The following PDE4C variants were observed in gnomAD, a reference collection of about 807,000 sequenced individuals.
The protein encoded by PDE4C is 3',5'-cyclic-AMP phosphodiesterase 4C.
Under a neutral mutation model 63.9 loss-of-function variants are expected in PDE4C, and 50 were observed. That is an observed-to-expected ratio of 0.78 (90% CI 0.62 to 0.99). The LOEUF (loss-of-function observed/expected upper bound fraction) is 0.99. PDE4C is among the 50% of genes least tolerant of loss of function. The probability of loss-of-function intolerance (pLI) is 0.00; values close to 1 mark genes in which losing one functional copy is unlikely to be tolerated. For missense variants in PDE4C, 777 were observed against 899.1 expected (o/e 0.86, Z 1.74); for synonymous variants, 377 against 385.1 (o/e 0.98, Z 0.25).
At chr19:18,255,342 C>G in the PDE4C span, 11 of 382,694 alleles carry the variant, frequency 2.9e-5, no homozygotes, top group Non-Finnish European at 4.9e-5. This position sits in a 1 kb window ranked among gnomAD's most constrained non-coding sequence, Gnocchi z 4.6. Flanking sequence ...CGGCTCTGCA[C>G]AGGTGTGTGG....
intron 4 of PDE4C, 47 bp downstream of exon 4, chr19:18,221,058 C>CCCGCCCACT: frequency 8.2e-7 from 1 of 1,221,606 alleles, no homozygotes; most frequent in Non-Finnish European, 1.2e-6. Context: ...TTCCGCCCAC[C>CCCGCCCACT]TTGTCTCTGC....
exon 1 of PDE4C, chr19:18,232,997 C>T (rs758800155): frequency 7.9e-6 from 12 of 1,510,268 alleles, no homozygotes; most frequent in African/African-American, 4.2e-5. Flanking sequence ...TCCTGAGCTC[C>T]GGCCGCGGGC....
At position 18,221,101 on chromosome 19, in the gene PDE4C, C is replaced by G. The variant is rs750738070; in HGVS notation, c.449+4G>C. 2.5e-6 allele frequency: 4 copies of G among 1,579,094 alleles called. No individual in the cohort carries two copies. Among genetic ancestry groups the G allele is most frequent in the Non-Finnish European group, 3.4e-6 (4 of 1,164,100 alleles). Reference sequence around the variant, plus strand: ...GCCCCCGCCCCGCCCCGCCCTCTACCTACTTGGCTGCTCCTAGGCATTGCT... The same window carrying G: ...GCCCCCGCCCCGCCCCGCCCTCTACGTACTTGGCTGCTCCTAGGCATTGCT... On this transcript the variant is annotated splice_donor_region_variant and intron_variant, in intron 4 of 14. Coordinates refer to ENST00000262805, the Ensembl canonical transcript of PDE4C.
chr19:18,248,837 ACATGGTGAAGCCC>A (rs546779846), upstream of PDE4C, among the ~76,000 whole-genome samples: 213 of 148,118 alleles, frequency 1.4e-3, no homozygotes, highest in African/African-American at 5.1e-3. Flanking sequence ...ATCCTGGCCA[ACATGGTGAAGCCC>A]CATCTCTACT....
chr19:18,227,123 C>T (rs1007801158), upstream of PDE4C, among the ~76,000 whole-genome samples: 5 of 152,122 alleles, frequency 3.3e-5, no homozygotes, highest in Non-Finnish European at 7.4e-5. Flanking sequence ...ATGTCCGATC[C>T]CACGCAATGT....
rs1482040479 is a variant in PDE4C at position 18,213,304 on chromosome 19, A to C, written c.1512+64T>G. The C allele has an allele frequency of 3.7e-6, 5 of 1,365,750 alleles. No homozygotes were observed. The East Asian group carries it at 8.2e-5, about 22-fold the overall frequency. 84.6% of individuals were successfully genotyped at this position (1,365,750 alleles called of 1,614,324 possible). A position where few individuals can be genotyped will look rare whatever the true frequency, so the allele number is the denominator to read the frequency against. On this transcript the variant is annotated intron_variant, in intron 13 of 14. Coordinates refer to ENST00000262805, the Ensembl canonical transcript of PDE4C. ...GTCTCAATAAATAAATAAATACATA[A>C]ATAAATAAATAAAGTAAAACCAAAA...
chr19:18,244,300 T>C (rs1306729709), intron 1 of PDE4C, among the ~76,000 whole-genome samples: 1 of 149,758 alleles, frequency 6.7e-6, no homozygotes, highest in Non-Finnish European at 1.5e-5. Flanking sequence ...TGTTTTGTTT[T>C]GTTTTTTTTT....
chr19:18,220,972 C>T lies in PDE4C; in HGVS notation c.450-49G>A. 6.4e-7 allele frequency: 1 copy of T among 1,570,872 alleles called. No individual in the cohort carries two copies. The highest frequency in any genetic ancestry group is 8.6e-7 in the Non-Finnish European group (1 of 1,158,820). On this transcript the variant is annotated intron_variant, in intron 4 of 14. Coordinates refer to ENST00000262805, the Ensembl canonical transcript of PDE4C. This position sits in a 1 kb window ranked among gnomAD's most constrained non-coding sequence, Gnocchi z 5.1. ...TGGCTGCTCCGCCCATCTCGCCCCG[C>T]CCCCAAGTCCACCAGGCCCCGCCCC...
chr19:18,237,341 C>T (rs946153392), upstream of PDE4C, among the ~76,000 whole-genome samples: 20 of 150,278 alleles, frequency 1.3e-4, no homozygotes, highest in African/African-American at 4.2e-4. Flanking sequence ...CACCTGAGGT[C>T]GGGAGTTTGA....
intron 8 of PDE4C, 93 bp downstream of exon 8, chr19:18,219,141 C>T: frequency 6.3e-7 from 1 of 1,590,112 alleles, no homozygotes; most frequent in South Asian, 1.1e-5. Context: ...CCCCAACTGC[C>T]CAGTATATAG....
chr19:18,212,402 T>A (rs1181447216), intron 13 of PDE4C, among the ~76,000 whole-genome samples: 1 of 151,572 alleles, frequency 6.6e-6, no homozygotes, highest in Non-Finnish European at 1.5e-5. Context: ...CTCAAACTCC[T>A]GAGCTCAAGC....
At chr19:18,210,818 G>A in exon 15 of PDE4C, 2 of 1,491,264 alleles carry the variant, frequency 1.3e-6, no homozygotes, top group Non-Finnish European at 1.8e-6. Flanking sequence ...CTCCCTAAAT[G>A]GGTGGGAAAG....
chr19:18,242,500 A>AAAAAC (rs71164383), intron 1 of PDE4C, among the ~76,000 whole-genome samples: 1 of 148,390 alleles, frequency 6.7e-6, no homozygotes, highest in African/African-American at 2.5e-5. Flanking sequence ...AAAAAAAAAA[A>AAAAAC]GCCAGGCACA....
upstream of PDE4C, among the ~76,000 whole-genome samples, chr19:18,236,484 A>C (rs1050761202): frequency 6.6e-6 from 1 of 152,156 alleles, no homozygotes; most frequent in Non-Finnish European, 1.5e-5. Flanking sequence ...CAGCCTCCCA[A>C]AGTGCTGGGA....
At position 18,242,425 on chromosome 19, in the gene PDE4C, G is replaced by A. The variant is rs866154660; in HGVS notation, c.-210+5746C>T. Among the ~76,000 whole-genome samples the A allele has an allele frequency of 7.1e-5, 10 of 140,580 alleles. No individual in the cohort carries two copies. In the South Asian group the frequency reaches 2.3e-3, roughly 32 times the overall value. 92.2% of individuals were successfully genotyped at this position (140,580 alleles called of 152,430 possible). On this transcript the variant is annotated intron_variant, in intron 1 of 15. Transcript: ENST00000594617. ...CGAGAGGCGGAGGCTGCAGTAAGCC[G>A]AGGTTGCACTGTTGCACTCTGGCCT...
rs147234546 is a variant in PDE4C, at chr19:18,219,278, G to C, written c.826C>G (p.Pro276Ala). ...TGGTCAGTCTGGACCCCAAAGCGTG[G>C]GACAGTGGCTGAGGAGAGGCTGGCA... Residue 276 changes from proline to alanine, a missense_variant, in exon 8 of 15, where the codon CCA becomes GCA. By Grantham distance (27) the Pro-to-Ala change is conservative. Coordinates refer to ENST00000262805, the Ensembl canonical transcript of PDE4C. 3,743 of 1,614,192 alleles carry C rather than the reference G, an allele frequency of 2.3e-3. 7 individuals are homozygous for C. The highest frequency in any genetic ancestry group is 4.0e-3 in the Middle Eastern group (24 of 6,050).
In PDE4C at chr19:18,242,475, C is replaced by CAAAAAAAA. The variant is rs748870873; in HGVS notation, c.-210+5688_-210+5695dup. Among the ~76,000 whole-genome samples the CAAAAAAAA allele has an allele frequency of 1.3e-4, 4 of 29,810 alleles. 1 individual carries two copies. The highest frequency in any genetic ancestry group is 2.4e-3 in the South Asian group (1 of 418). 19.6% of individuals were successfully genotyped at this position (29,810 alleles called of 152,430 possible). On this transcript the variant is annotated intron_variant, in intron 1 of 15. Coordinates refer to the PDE4C transcript ENST00000594617. ...TGGGCAACAAAGGGAGACTCCATCT[C>CAAAAAAAA]AAAAAAAAAAAAAAAAAAAAAAAAA...
chr19:18,224,925 G>T (rs1369501354), intron 1 of PDE4C, among the ~76,000 whole-genome samples: 2 of 152,200 alleles, frequency 1.3e-5, no homozygotes, highest in African/African-American at 4.8e-5. Context: ...TGCGGATCGC[G>T]ACCCCCTACC....
chr19:18,239,029 A>C (rs1276516493), intron 1 of PDE4C, among the ~76,000 whole-genome samples: 1 of 152,148 alleles, frequency 6.6e-6, no homozygotes, highest in Non-Finnish European at 1.5e-5. Context: ...ACATGCAGTA[A>C]ATAAGCAAAT....
Sources: allele counts gnomAD v4.1 joint callset (sites outside exome capture counted in the v4.1 genomes callset), GRCh38; gene constraint gnomAD v4.1.1; non-coding constraint Gnocchi (gnomAD v3.1); transcripts MANE v1.5; gene names NCBI Gene and HGNC (gene_info 2026-07-23, HGNC 2026-07-21).